ADGRE1: variants seen among roughly 807,000 people sequenced by gnomAD.
ADGRE1 encodes the protein EGF-like module receptor 1.
In ADGRE1, 82 loss-of-function variants were observed where a neutral mutation model predicts 102.7. The ratio of observed to expected loss-of-function variants is 0.80; its 90% CI spans 0.67 to 0.96. The LOEUF is 0.96. ADGRE1 is among the 40% of genes least tolerant of loss of function. The pLI, the probability that ADGRE1 is intolerant of heterozygous loss-of-function variation, is 0.00. For synonymous variants in ADGRE1, 398 were observed against 399.6 expected (o/e 1.00, Z 0.05); for missense variants, 1,032 against 1,085.3 (o/e 0.95, Z 0.69).
At chr19:6,938,315 C>T (rs1975517101) in intron 20 of ADGRE1, among the ~76,000 whole-genome samples, 2 of 149,664 alleles carry the variant, frequency 1.3e-5, no homozygotes, top group Admixed American at 1.3e-4. Flanking sequence ...CCAGCCTGGG[C>T]AAAAAGAGCG....
At chr19:6,895,921 A>G (rs968580524) in intron 2 of ADGRE1, 1 of 152,714 alleles carries the variant, frequency 6.5e-6, no homozygotes, top group African/African-American at 2.4e-5. Flanking sequence ...ACAGAAATTT[A>G]TTCTCTTCAA....
rs372416153 is a variant in ADGRE1 at position 6,924,849 on chromosome 19, G to A, written c.1963G>A (p.Gly655Ser). The change falls in exon 15 of 21, where the codon GGT becomes AGT. Residue 655 changes from glycine (G) to serine (S), a missense_variant. Physicochemically the swap from Gly to Ser is moderately conservative, Grantham distance 56. Coordinates refer to ENST00000312053, the MANE Select transcript of ADGRE1 (RefSeq NM_001974.5). The part of the protein sequence containing the change: ...LLLAKTLFLA[G>S]IHKTDNKMGC... ...CTTGGCGAAGACTCTCTTCCTCGCC[G>A]GTATACACAAGACTGACAACAAGGT... 27 of 1,613,894 alleles carry A rather than the reference G, an allele frequency of 1.7e-5. No homozygotes were observed. The highest frequency in any genetic ancestry group is 3.3e-4 in the Middle Eastern group (2 of 6,084).
In ADGRE1 at chr19:6,939,072, A is replaced by G. The variant is rs1975563885; in HGVS notation, c.2656-952A>G. 1.3e-5 allele frequency among the ~76,000 whole-genome samples: 2 copies of G among 152,252 alleles called. 1 individual carries two copies. The highest frequency in any genetic ancestry group is 1.3e-4 in the Admixed American group (2 of 15,282). Reference sequence around the variant, plus strand: ...CAGCCTCCCAAAGTTCTGGGATTACAGGTGTGAGCCACCACGCCCAGCTGG... The same window carrying G: ...CAGCCTCCCAAAGTTCTGGGATTACGGGTGTGAGCCACCACGCCCAGCTGG... On this transcript the variant is annotated intron_variant, in intron 20 of 20. Coordinates refer to ENST00000312053, the MANE Select transcript of ADGRE1 (RefSeq NM_001974.5).
rs979960854 is a variant in ADGRE1, at chr19:6,903,854, A to G, written c.706A>G (p.Thr236Ala). ...AATGTGCCCCATCAATTCAACATGC[A>G]CCAACACTCCTGGGAGCTACTTTTG... ...TEMCPINSTCTNTPGSYFCTC... is the reference protein window; with the variant it reads ...TEMCPINSTCANTPGSYFCTC... The change falls in exon 7 of 21, where the codon ACC (threonine) becomes GCC (alanine). Residue 236 changes from threonine to alanine, a missense_variant. Transcript: ENST00000312053. 22 of 1,614,064 alleles carry G rather than the reference A, an allele frequency of 1.4e-5. No homozygotes were observed. Among genetic ancestry groups the G allele is most frequent in the Non-Finnish European group, 1.9e-5 (22 of 1,180,046 alleles).
chr19:6,917,991 G>T (rs1416321453), intron 12 of ADGRE1, among the ~76,000 whole-genome samples: 1 of 152,132 alleles, frequency 6.6e-6, no homozygotes, highest in Non-Finnish European at 1.5e-5. Flanking sequence ...TGTGAGGCTT[G>T]GTCTAAGGCT....
chr19:6,889,628 G>T (rs1973277842), intron 1 of ADGRE1, among the ~76,000 whole-genome samples: 1 of 144,286 alleles, frequency 6.9e-6, no homozygotes, highest in African/African-American at 2.6e-5. Flanking sequence ...GTTGGTGGTT[G>T]CAGTGAGCCT....
intron 14 of ADGRE1, among the ~76,000 whole-genome samples, chr19:6,924,214 G>C (rs1203198842): frequency 1.3e-5 from 2 of 151,966 alleles, no homozygotes; most frequent in African/African-American, 4.8e-5. Context: ...CAATGCAGCT[G>C]TAACTCAGAG....
intron 14 of ADGRE1, among the ~76,000 whole-genome samples, chr19:6,922,575 A>G (rs2144985984): frequency 6.6e-6 from 1 of 150,742 alleles, no homozygotes; most frequent in East Asian, 2.0e-4. Context: ...AGATGGCACC[A>G]CTGCATTCCA....
rs867560629 is a variant in ADGRE1 at position 6,926,349 on chromosome 19, A to T, written c.1987-17A>T. The T allele has an allele frequency of 6.2e-7, 1 of 1,612,882 alleles. No homozygotes were observed. The highest frequency in any genetic ancestry group is 1.3e-5 in the African/African-American group (1 of 75,002). Reference sequence around the variant, plus strand: ...TCTGGGGTGGAGGATTCTGATGCGCATGCTTCTCCCCTCCAGATGGGCTGC... The same window carrying T: ...TCTGGGGTGGAGGATTCTGATGCGCTTGCTTCTCCCCTCCAGATGGGCTGC... On this transcript the variant is annotated splice_polypyrimidine_tract_variant and intron_variant, in intron 15 of 20. Coordinates refer to ENST00000312053, the MANE Select transcript of ADGRE1 (RefSeq NM_001974.5).
chr19:6,924,700 T>C lies in ADGRE1; in HGVS notation c.1814T>C (p.Ile605Thr), dbSNP rs1394603217. ...ELTMDFSLYI[I>T]SHVGIIISLV... ...CAGATGGACTTTTCCTTGTACATCA[T>C]TAGCCATGTAGGCATTATCATCTCC... Residue 605 changes from isoleucine to threonine, a missense_variant, in exon 15 of 21, where the codon ATT becomes ACT. By Grantham distance (89) the Ile-to-Thr change is moderately conservative (BLOSUM62 -1). Transcript: ENST00000312053. 3 of 1,614,010 alleles carry C rather than the reference T, an allele frequency of 1.9e-6. No individual in the cohort carries two copies. Among genetic ancestry groups the C allele is most frequent in the Non-Finnish European group, 2.5e-6 (3 of 1,179,994 alleles).
In ADGRE1 at chr19:6,908,754, G is replaced by T; in HGVS notation, c.1104G>T (p.Thr368=). ...TGGACAAAGTGTGTGAAAATAAAAC[G>T]ACCGTAGTTTCTCTGAAGGTAACGA... is the stretch of plus-strand genomic sequence containing the variant. The part of the protein sequence containing the change: ...SVLDKVCENK[T]TVVSLKNTTE... Residue 368 remains threonine, a synonymous_variant, in exon 10 of 21, where the codon ACG becomes ACT. Coordinates refer to ENST00000312053, the MANE Select transcript of ADGRE1 (RefSeq NM_001974.5). 3.1e-6 allele frequency: 5 copies of T among 1,609,188 alleles called. No individual in the cohort carries two copies. The South Asian group carries it at 5.6e-5, about 18-fold the overall frequency.
chr19:6,931,893 T>C (rs1251274095), intron 17 of ADGRE1, among the ~76,000 whole-genome samples: 1 of 152,128 alleles, frequency 6.6e-6, no homozygotes, highest in Non-Finnish European at 1.5e-5. Flanking sequence ...CTGTAAAGAT[T>C]CTATTTCCAA....
At chr19:6,892,278 A>G (rs1973407446) in intron 2 of ADGRE1, among the ~76,000 whole-genome samples, 1 of 152,184 alleles carries the variant, frequency 6.6e-6, no homozygotes, top group South Asian at 2.1e-4. Context: ...CCAAATGTGT[A>G]ACAAAAACAG....
intron 2 of ADGRE1, among the ~76,000 whole-genome samples, chr19:6,892,903 G>A (rs749821333): frequency 2.4e-4 from 37 of 152,170 alleles, no homozygotes; most frequent in Non-Finnish European, 3.7e-4. Flanking sequence ...TTGCCCTACT[G>A]TGCTACTGAG....
At chr19:6,891,602 C>A (rs925765945) in intron 2 of ADGRE1, among the ~76,000 whole-genome samples, 1 of 151,874 alleles carries the variant, frequency 6.6e-6, no homozygotes, top group African/African-American at 2.4e-5. Flanking sequence ...TACAGGCGCC[C>A]GCCACCACGC....
intron 10 of ADGRE1, among the ~76,000 whole-genome samples, chr19:6,910,315 C>T (rs1344068397): frequency 6.6e-6 from 1 of 151,942 alleles, no homozygotes; most frequent in Non-Finnish European, 1.5e-5. Context: ...CCCGCTCCAC[C>T]CAAATTTCAA....
chr19:6,930,228 A>G (rs1975081525), intron 17 of ADGRE1, among the ~76,000 whole-genome samples: 2 of 152,182 alleles, frequency 1.3e-5, no homozygotes, highest in Admixed American at 6.5e-5. Context: ...AAGTAAAAAG[A>G]AATTAGGAGG....
At chr19:6,894,512 A>G (rs567950975) in intron 2 of ADGRE1, among the ~76,000 whole-genome samples, 1 of 152,220 alleles carries the variant, frequency 6.6e-6, no homozygotes, top group African/African-American at 2.4e-5. Flanking sequence ...GCAGAGGCAG[A>G]GGGAACAGCA....
chr19:6,892,292 G>A (rs1482485365), intron 2 of ADGRE1, among the ~76,000 whole-genome samples: 1 of 152,150 alleles, frequency 6.6e-6, no homozygotes, highest in Non-Finnish European at 1.5e-5. Flanking sequence ...AAAACAGGGT[G>A]AATAATGTCA....
Sources: gnomAD v4.1 joint callset for allele counts (sites outside exome capture counted in the v4.1 genomes callset) on GRCh38, gnomAD v4.1.1 for gene constraint, MANE v1.5 for transcripts, NCBI Gene and HGNC (gene_info 2026-07-23, HGNC 2026-07-21) for gene names.